Variants in DNAJC17 observed in about 807,000 individuals in gnomAD.
The protein encoded by DNAJC17 is dnaJ homolog subfamily C member 17.
In DNAJC17, 35 loss-of-function variants were observed where a neutral mutation model predicts 48.1. The observed-to-expected ratio is 0.73, with a 90% CI of 0.56 to 0.96. The LOEUF (loss-of-function observed/expected upper bound fraction) is 0.96. DNAJC17 is among the 50% of genes least tolerant of loss of function. The pLI, the probability that DNAJC17 is intolerant of heterozygous loss-of-function variation, is 0.00. For missense variants in DNAJC17, 355 were observed against 377.1 expected, an observed-to-expected ratio of 0.94 and a Z score of 0.48; for synonymous variants, 117 against 142.7, an observed-to-expected ratio of 0.82 and a Z score of 1.28.
In DNAJC17 at chr15:40,807,423, T is replaced by A; in HGVS notation, c.24A>T (p.Leu8Phe). 1 of 1,614,262 alleles carries A rather than the reference T, an allele frequency of 6.2e-7. No individual in the cohort carries two copies. The change falls in exon 1 of 11, where the codon TTA becomes TTT. Residue 8 changes from leucine to phenylalanine, a missense_variant. By Grantham distance (22) the Leu-to-Phe change is conservative. Transcript: ENST00000220496. MAVTKEL[L>F]QMDLYALLGI... is the part of the protein sequence containing the mutation. ...CTAGCAGCGCGTACAGGTCCATCTG[T>A]AAGAGCTCCTTGGTCACTGCCATGG...
At chr15:40,799,784 C>T (rs1056530144) in intron 1 of DNAJC17, among the ~76,000 whole-genome samples, 7 of 152,106 alleles carry the variant, frequency 4.6e-5, no homozygotes, top group Admixed American at 3.3e-4. Context: ...ATTATCTGCA[C>T]CACCAACAAT....
At position 40,765,618 on chromosome 15, in the gene DNAJC17, C is replaced by T; in HGVS notation, c.*2322G>A. The T allele has an allele frequency of 2.7e-6, 1 of 375,768 alleles. No homozygotes were observed. The highest frequency in any genetic ancestry group is 4.8e-6 in the Non-Finnish European group (1 of 210,226). The allele number at this position is 375,768 out of a possible 1,614,324, so 23.3% of individuals were successfully genotyped here. ...GCCTGGCTAAAGCTGAGCTTTAAGGCACTAGGGAGGGCGCCTACATTGCTC... is the reference window on the plus strand; with the variant it reads ...GCCTGGCTAAAGCTGAGCTTTAAGGTACTAGGGAGGGCGCCTACATTGCTC... On this transcript the variant is annotated 3_prime_UTR_variant, in exon 11 of 11. Coordinates refer to ENST00000220496, the MANE Select transcript of DNAJC17 (RefSeq NM_018163.3).
In DNAJC17 at chr15:40,779,576, G is replaced by T; in HGVS notation, c.176C>A (p.Ala59Asp). 1 of 1,614,136 alleles carries T rather than the reference G, an allele frequency of 6.2e-7. No homozygotes were observed. Among genetic ancestry groups the T allele is most frequent in the Non-Finnish European group, 8.5e-7 (1 of 1,180,026 alleles). The change falls in exon 3 of 11, where the codon GCC becomes GAC. Residue 59 changes from alanine to aspartate, a missense_variant. This residue lies in a region of DNAJC17 where 199 missense variants were observed against 199.9 expected (regional missense o/e 1.00). Transcript: ENST00000220496. ...TGCAGCATCGGTCAGCACCTCCAAG[G>T]CCTGAGAAAGCTGGTGGAAGAGTTC... ...AAELFHQLSQ[A>D]LEVLTDAAAR...
At chr15:40,775,506 G>A (rs372449236) in intron 7 of DNAJC17, 47 bp downstream of exon 7, 70 of 1,601,418 alleles carry the variant, frequency 4.4e-5, no homozygotes, top group Non-Finnish European at 5.8e-5. Context: ...CTGCTGAGGG[G>A]AGGCGGTGTG....
chr15:40,805,090 T>C (rs1233632672), intron 1 of DNAJC17, among the ~76,000 whole-genome samples: 2 of 150,004 alleles, frequency 1.3e-5, no homozygotes, highest in Non-Finnish European at 3.0e-5. Context: ...AATTAAATAA[T>C]TTGCAGGCAG....
At chr15:40,779,099 T>G in intron 4 of DNAJC17, 124 bp downstream of exon 4, 1 of 919,350 alleles carries the variant, frequency 1.1e-6, no homozygotes, top group Non-Finnish European at 1.8e-6. Context: ...AGAACAGCGT[T>G]TTGCCCAGAG....
intron 1 of DNAJC17, among the ~76,000 whole-genome samples, chr15:40,795,888 T>A (rs1247378334): frequency 1.3e-5 from 2 of 152,106 alleles, no homozygotes; most frequent in Non-Finnish European, 2.9e-5. Context: ...TGAGACTCTG[T>A]CTCAAAAAAT....
In DNAJC17 at chr15:40,775,162, C is replaced by T. The variant is rs1463083089; in HGVS notation, c.523-54G>A. On this transcript the variant is annotated intron_variant, in intron 7 of 10. Transcript: ENST00000220496. ...TTCTTGGCTGAACAGTACCTCACCCCACGACTGAGCTTGACAGTCTGAGCA... is the reference window on the plus strand; with the variant it reads ...TTCTTGGCTGAACAGTACCTCACCCTACGACTGAGCTTGACAGTCTGAGCA... 5.7e-6 allele frequency: 9 copies of T among 1,582,142 alleles called. No individual in the cohort carries two copies. The Admixed American group carries it at 6.7e-5, about 12-fold the overall frequency.
chr15:40,795,848 T>C (rs1889930183), intron 1 of DNAJC17, among the ~76,000 whole-genome samples: 1 of 152,020 alleles, frequency 6.6e-6, no homozygotes, highest in South Asian at 2.1e-4. Context: ...GCCAAGATCG[T>C]GCCACTGCAC....
rs757681808 is a variant in DNAJC17 at position 40,767,271 on chromosome 15, G to A, written c.*669C>T. On this transcript the variant is annotated 3_prime_UTR_variant, in exon 11 of 11. Coordinates refer to ENST00000220496, the MANE Select transcript of DNAJC17 (RefSeq NM_018163.3). ...ACCCTCCCCGCATAGTCCTGGACAA[G>A]CTGGAACGCAGGGGCTTCCGTGTGC... The A allele has an allele frequency of 1.2e-6, 2 of 1,604,458 alleles. No individual in the cohort carries two copies. Among genetic ancestry groups the A allele is most frequent in the Admixed American group, 1.7e-5 (1 of 59,038 alleles).
At chr15:40,775,217 G>C in intron 7 of DNAJC17, 109 bp from the exon 8 acceptor site, 3 of 1,242,690 alleles carry the variant, frequency 2.4e-6, no homozygotes, top group Non-Finnish European at 3.5e-6. Context: ...AGCCTCCAAG[G>C]CTCCTGCAAT....
intron 8 of DNAJC17, 44 bp downstream of exon 8, chr15:40,774,987 G>A (rs780561659): frequency 6.9e-6 from 11 of 1,601,916 alleles, no homozygotes; most frequent in South Asian, 3.3e-5. Context: ...GGACTGAGAC[G>A]TGGACTGAGA....
At chr15:40,780,086 T>C (rs771808319) in intron 1 of DNAJC17, 89 bp from the exon 2 acceptor site, 3 of 1,277,470 alleles carry the variant, frequency 2.3e-6, no homozygotes, top group African/African-American at 2.9e-5. Flanking sequence ...GGGAATCCCA[T>C]GCACACCTAA....
chr15:40,781,995 G>A (rs980037049), intron 1 of DNAJC17, among the ~76,000 whole-genome samples: 2 of 152,050 alleles, frequency 1.3e-5, no homozygotes, highest in Non-Finnish European at 2.9e-5. Context: ...CGGTTGAGGC[G>A]AGAGGATCGC....
chr15:40,767,419 C>T lies in DNAJC17; in HGVS notation c.*521G>A. 1 of 1,480,768 alleles carries T rather than the reference C, an allele frequency of 6.8e-7. No homozygotes were observed. The highest frequency in any genetic ancestry group is 1.5e-5 in the African/African-American group (1 of 68,440). The allele number at this position is 1,480,768 out of a possible 1,614,324, so 91.7% of individuals were successfully genotyped here. A position where few individuals can be genotyped will look rare whatever the true frequency, so the allele number is the denominator to read the frequency against. ...TGCTGTGGGCCCTGACCTCCAAGCT[C>T]CTGCCTCACCGTCTGCCTTGCTCCT... On this transcript the variant is annotated 3_prime_UTR_variant, in exon 11 of 11. Coordinates refer to ENST00000220496, the MANE Select transcript of DNAJC17 (RefSeq NM_018163.3).
chr15:40,793,395 C>G (rs781013943), intron 1 of DNAJC17, among the ~76,000 whole-genome samples: 6 of 152,132 alleles, frequency 3.9e-5, no homozygotes, highest in Admixed American at 2.0e-4. Flanking sequence ...TGGTATCTTA[C>G]TCAGCTCTAA....
At chr15:40,793,810 G>A (rs1596095144) in intron 1 of DNAJC17, among the ~76,000 whole-genome samples, 1 of 152,134 alleles carries the variant, frequency 6.6e-6, no homozygotes, top group Non-Finnish European at 1.5e-5. Context: ...ATCAAGGACA[G>A]ACTATCATCA....
chr15:40,791,344 A>T (rs1479998733), intron 1 of DNAJC17, among the ~76,000 whole-genome samples: 2 of 152,144 alleles, frequency 1.3e-5, no homozygotes, highest in Non-Finnish European at 2.9e-5. Context: ...CCTGGCCAAC[A>T]TGGTGAAACC....
chr15:40,791,517 C>T (rs1327682713), intron 1 of DNAJC17, among the ~76,000 whole-genome samples: 1 of 149,432 alleles, frequency 6.7e-6, no homozygotes, highest in Non-Finnish European at 1.5e-5. Context: ...GACAGAGTGA[C>T]TCCATCTCAA....
Sources: allele counts gnomAD v4.1 joint callset (sites outside exome capture counted in the v4.1 genomes callset), GRCh38; gene constraint gnomAD v4.1.1; regional missense constraint gnomAD v4.1.1; transcripts MANE v1.5; gene names NCBI Gene and HGNC (gene_info 2026-07-23, HGNC 2026-07-21).